The following C9orf72 variants were observed in gnomAD, a reference collection of about 807,000 sequenced individuals.
The protein encoded by C9orf72 is guanine nucleotide exchange factor C9orf72.
In C9orf72, 44 loss-of-function variants were observed where a neutral mutation model predicts 51.6. The ratio of observed to expected loss-of-function variants is 0.85; its 90% CI spans 0.67 to 1.10. The LOEUF is 1.10. Ranked by LOEUF, C9orf72 falls within the 50% of genes least tolerant of loss-of-function variation. C9orf72 has a pLI of 0.00. For missense variants in C9orf72, 607 were observed against 570.6 expected (o/e 1.06, Z -0.65); for synonymous variants, 213 against 194.2 (o/e 1.10, Z -0.81).
chr9:27,564,211 A>G (rs1307813120), intron 3 of C9orf72, among the ~76,000 whole-genome samples: 1 of 152,020 alleles, frequency 6.6e-6, no homozygotes, highest in Non-Finnish European at 1.5e-5. Context: ...AGAGGCTCTA[A>G]AAGAAAATCT....
chr9:27,567,019 G>C lies in C9orf72; in HGVS notation c.102C>G (p.Asp34Glu). The C allele has an allele frequency of 6.2e-7, 1 of 1,613,984 alleles. No individual in the cohort carries two copies. The highest frequency in any genetic ancestry group is 8.5e-7 in the Non-Finnish European group (1 of 1,179,890). Residue 34 changes from aspartate (D) to glutamate (E), a missense_variant, in exon 2 of 11, where the codon GAC (aspartate) becomes GAG (glutamate). Physicochemically the swap from Asp to Glu is conservative, Grantham distance 45. Transcript: ENST00000380003. ...GCCTTACTCTAGGACCAAGAATATT[G>C]TCCCAGTAAGCAAAAGTAGCTGCTA... ...PLLAATFAYW[D>E]NILGPRVRHI...
Position 27,548,080 on chromosome 9 carries a change from T to C in C9orf72, c.*156A>G. ...ATGTAATGATGCACCTGACATCCCC[T>C]CACAGGCTCTTGTGAGAACTGTAGT... is the stretch of plus-strand genomic sequence containing the variant. On this transcript the variant is annotated 3_prime_UTR_variant, in exon 11 of 11. Coordinates refer to ENST00000380003, the MANE Select transcript of C9orf72 (RefSeq NM_018325.5). The C allele has an allele frequency of 2.1e-6, 1 of 479,982 alleles. No homozygotes were observed. The highest frequency in any genetic ancestry group is 3.6e-6 in the Non-Finnish European group (1 of 275,262). 29.7% of individuals were successfully genotyped at this position (479,982 alleles called of 1,614,324 possible).
intron 6 of C9orf72, chr9:27,558,951 C>G (rs1819273998): frequency 6.1e-6 from 1 of 163,734 alleles, no homozygotes; most frequent in Non-Finnish European, 1.3e-5. Context: ...AGTGGGTCTA[C>G]ACATGAAATT....
Position 27,566,799 on chromosome 9 carries a change from T to C in C9orf72, c.322A>G (p.Ser108Gly). 6.2e-7 allele frequency: 1 copy of C among 1,613,928 alleles called. No homozygotes were observed. Among genetic ancestry groups the C allele is most frequent in the South Asian group, 1.1e-5 (1 of 91,076 alleles). Residue 108 changes from serine (S) to glycine (G), a missense_variant, in exon 2 of 11, where the codon AGC (serine) becomes GGC (glycine). By Grantham distance (56) the Ser-to-Gly change is moderately conservative. Transcript: ENST00000380003. ...AGTATAATTGATAGTCCATATGTGC[T>C]GCGATCCCCATTCCAGTTTCCATCA... ...IFDGNWNGDR[S>G]TYGLSIILPQ...
At chr9:27,570,847 C>T (rs567905195) in intron 1 of C9orf72, among the ~76,000 whole-genome samples, 1 of 151,626 alleles carries the variant, frequency 6.6e-6, no homozygotes, top group South Asian at 2.1e-4. Flanking sequence ...CCAGCCTGGG[C>T]GACAGAGAGA....
At chr9:27,555,558 AT>A (rs35184194) in intron 8 of C9orf72, among the ~76,000 whole-genome samples, 63,816 of 135,636 alleles carry the variant, frequency 0.47, 15,356 homozygotes, top group Middle Eastern at 0.58. Flanking sequence ...TATTGCAAGC[AT>A]TTTTTTTTTT....
At chr9:27,561,241 T>C in intron 5 of C9orf72, 2 of 1,062,840 alleles carry the variant, frequency 1.9e-6, no homozygotes, top group Non-Finnish European at 2.3e-6. Flanking sequence ...AATTTTGTTC[T>C]ACGCCTAAAT....
chr9:27,565,619 A>G, intron 2 of C9orf72, 29 bp from the exon 3 acceptor site: 1 of 1,356,426 alleles, frequency 7.4e-7, no homozygotes, highest in Non-Finnish European at 1.0e-6. Flanking sequence ...ATTTAAAAAA[A>G]CAACCCACAA....
chr9:27,551,438 C>T (rs1340861931), intron 8 of C9orf72, among the ~76,000 whole-genome samples: 1 of 152,198 alleles, frequency 6.6e-6, no homozygotes, highest in East Asian at 1.9e-4. Flanking sequence ...TTTTTCTCTT[C>T]CATTTTCCCT....
intron 2 of C9orf72, among the ~76,000 whole-genome samples, chr9:27,565,873 G>C (rs2131544354): frequency 6.6e-6 from 1 of 152,186 alleles, no homozygotes; most frequent in East Asian, 1.9e-4. Flanking sequence ...GGAAAAGAAT[G>C]ACTTGCACTT....
intron 1 of C9orf72, among the ~76,000 whole-genome samples, chr9:27,571,886 A>G (rs1462109443): frequency 1.3e-5 from 2 of 152,206 alleles, no homozygotes; most frequent in African/African-American, 2.4e-5. Flanking sequence ...ACAGTACCAG[A>G]AAGTTCACAA....
chr9:27,557,892 A>C, intron 7 of C9orf72, among the ~76,000 whole-genome samples: 1 of 151,948 alleles, frequency 6.6e-6, no homozygotes. Context: ...CCATTAGGAA[A>C]GCTATTTCTT....
intron 8 of C9orf72, among the ~76,000 whole-genome samples, chr9:27,552,255 C>T (rs1820923436): frequency 6.6e-6 from 1 of 152,086 alleles, no homozygotes; most frequent in African/African-American, 2.4e-5. Context: ...CCAGCTTTTG[C>T]CCATTTGGTA....
At position 27,556,729 on chromosome 9, in the gene C9orf72, A is replaced by T. The variant is rs1413476697; in HGVS notation, c.923T>A (p.Ile308Lys). 6.2e-7 allele frequency: 1 copy of T among 1,613,994 alleles called. No individual in the cohort carries two copies. Reference sequence around the variant, plus strand: ...CTTCACAGTATTGACATCCACATCTATGTGTGTGGTGGGATATGGAGCATA... The same window carrying T: ...CTTCACAGTATTGACATCCACATCTTTGTGTGTGGTGGGATATGGAGCATA... ...VMYAPYPTTHIDVDVNTVKQM... is the reference protein window; with the variant it reads ...VMYAPYPTTHKDVDVNTVKQM... The change falls in exon 8 of 11, where the codon ATA (isoleucine) becomes AAA (lysine). Residue 308 changes from isoleucine to lysine, a missense_variant. Ile to Lys is a moderately radical substitution (Grantham distance 102). Transcript: ENST00000380003.
At chr9:27,572,947 T>C (rs1038816797) in intron 1 of C9orf72, among the ~76,000 whole-genome samples, 3 of 152,044 alleles carry the variant, frequency 2.0e-5, no homozygotes, top group Non-Finnish European at 2.9e-5. Context: ...TGTGCAGGCG[T>C]CTCCACACCC....
Position 27,565,595 on chromosome 9 carries a change from G to C in C9orf72, c.445-5C>G. ...CTGGACATTTTCTTGTCTTTCCTGA[G>C]CAAGAGAAAATTTATTTAAAAAAAC... On this transcript the variant is annotated splice_region_variant and splice_polypyrimidine_tract_variant and intron_variant, in intron 2 of 10. Coordinates refer to ENST00000380003, the MANE Select transcript of C9orf72 (RefSeq NM_018325.5). 6.3e-7 allele frequency: 1 copy of C among 1,585,352 alleles called. No individual in the cohort carries two copies. Among genetic ancestry groups the C allele is most frequent in the Non-Finnish European group, 8.6e-7 (1 of 1,159,982 alleles).
chr9:27,550,739 A>G (rs963301684), intron 8 of C9orf72, 32 bp from the exon 9 acceptor site: 4 of 1,409,166 alleles, frequency 2.8e-6, no homozygotes, highest in Non-Finnish European at 3.9e-6. Context: ...AGAAAAGAAA[A>G]AAGTTCAAAT....
intron 8 of C9orf72, among the ~76,000 whole-genome samples, chr9:27,552,030 G>C (rs899092886): frequency 6.6e-6 from 1 of 152,130 alleles, no homozygotes; most frequent in Non-Finnish European, 1.5e-5. Context: ...ATTTTTAACA[G>C]ATTTAGGAGT....
rs748164180 is a variant in C9orf72, at chr9:27,566,743, T to A, written c.378A>T (p.Pro126=). The A allele has an allele frequency of 2.0e-5, 32 of 1,613,694 alleles. No homozygotes were observed. The African/African-American group carries it at 4.1e-4, about 21-fold the overall frequency. Residue 126 remains proline, a synonymous_variant, in exon 2 of 11, where the codon CCA becomes CCT. Coordinates refer to ENST00000380003, the MANE Select transcript of C9orf72 (RefSeq NM_018325.5). ...ATCTATCAACACACACTCTATGAAG[T>A]GGGAGGTAGAAACTAAGTTCTGTCT... ...LPQTELSFYL[P]LHRVCVDRLT...
Sources: allele counts gnomAD v4.1 joint callset (sites outside exome capture counted in the v4.1 genomes callset), GRCh38; gene constraint gnomAD v4.1.1; transcripts MANE v1.5; gene names NCBI Gene and HGNC (gene_info 2026-07-23, HGNC 2026-07-21).